The following BICD1 variants were observed in gnomAD, a reference collection of about 807,000 sequenced individuals.
BICD1 encodes BICD cargo adaptor 1.
In BICD1, 35 loss-of-function variants were observed where a neutral mutation model predicts 92.5. The observed-to-expected ratio is 0.38, with a 90% CI of 0.29 to 0.50. The LOEUF (loss-of-function observed/expected upper bound fraction) is 0.50, where lower values mean the gene tolerates loss of function less well. BICD1 is among the 20% of genes least tolerant of loss of function. The pLI, the probability that BICD1 is intolerant of heterozygous loss-of-function variation, is 0.93. For synonymous variants in BICD1, 429 were observed against 465.1 expected, an observed-to-expected ratio of 0.92 and a Z score of 1.00; for missense variants, 950 against 1,189.8, an observed-to-expected ratio of 0.80 and a Z score of 2.97.
intron 1 of BICD1, among the ~76,000 whole-genome samples, chr12:32,174,131 G>GA (rs1301538987): frequency 6.6e-6 from 1 of 152,012 alleles, no homozygotes; most frequent in Non-Finnish European, 1.5e-5. Context: ...ACTTTGTCTT[G>GA]AAAATAGCTT....
intron 2 of BICD1, among the ~76,000 whole-genome samples, chr12:32,279,021 A>G (rs1270198198): frequency 2.0e-5 from 3 of 152,208 alleles, no homozygotes; most frequent in Non-Finnish European, 4.4e-5. Context: ...ATAGTGTGGA[A>G]TAGATTTTGT....
chr12:32,203,380 A>G (rs1344979582), intron 1 of BICD1, among the ~76,000 whole-genome samples: 1 of 152,194 alleles, frequency 6.6e-6, no homozygotes, highest in Non-Finnish European at 1.5e-5. Context: ...GACATCGCTA[A>G]AAGAGTGGGA....
intron 1 of BICD1, among the ~76,000 whole-genome samples, chr12:32,174,671 AT>A (rs747882602): frequency 6.6e-6 from 1 of 152,184 alleles, no homozygotes; most frequent in Non-Finnish European, 1.5e-5. Context: ...CCACTGATGT[AT>A]TTACAGGCCA....
intron 5 of BICD1, among the ~76,000 whole-genome samples, chr12:32,330,412 C>CG (rs948674798): frequency 9.7e-5 from 11 of 113,316 alleles, no homozygotes; most frequent in Non-Finnish European, 1.5e-4. Flanking sequence ...CATCACACAC[C>CG]GGGGCCTGTT....
rs1946039163 is a variant in BICD1, at chr12:32,235,550, T to C, written c.426+19091T>C. ...GCTTTGCTTTCTTGCTCTTGGAAGA[T>C]ATTGTGGGTTTTTTTTTTTACAAAT... is the stretch of plus-strand genomic sequence containing the variant. On this transcript the variant is annotated intron_variant, in intron 2 of 9. Coordinates refer to ENST00000652176, the MANE Select transcript of BICD1 (RefSeq NM_001714.4). 1.2e-4 allele frequency among the ~76,000 whole-genome samples: 4 copies of C among 34,334 alleles called. No homozygotes were observed. The Admixed American group carries it at 1.8e-3, about 15-fold the overall frequency. The allele number at this position is 34,334 out of a possible 152,430, so 22.5% of individuals were successfully genotyped here. A position where few individuals can be genotyped will look rare whatever the true frequency, so the allele number is the denominator to read the frequency against.
rs1393802649 is a variant in BICD1, at chr12:32,379,396, T to C, written c.*1769T>C. ...TGCTATTTTCCACAGTGTCATTTAT[T>C]ATGCAACGTGGAGTAAAGAGTTGAA... On this transcript the variant is annotated 3_prime_UTR_variant, in exon 10 of 10. Transcript: ENST00000652176. The C allele has an allele frequency of 1.3e-5, 2 of 152,238 alleles. No homozygotes were observed. The highest frequency in any genetic ancestry group is 1.5e-5 in the Non-Finnish European group (1 of 68,044). 9.4% of individuals were successfully genotyped at this position (152,238 alleles called of 1,614,324 possible). A position where few individuals can be genotyped will look rare whatever the true frequency, so the allele number is the denominator to read the frequency against.
intron 2 of BICD1, among the ~76,000 whole-genome samples, chr12:32,223,299 TC>T (rs1945588722): frequency 6.6e-6 from 1 of 152,092 alleles, no homozygotes; most frequent in South Asian, 2.1e-4. Flanking sequence ...AAGTGGACCA[TC>T]TGAGGTCAAG....
At chr12:32,146,393 A>G (rs1055889967) in intron 1 of BICD1, among the ~76,000 whole-genome samples, 1 of 152,106 alleles carries the variant, frequency 6.6e-6, no homozygotes, top group Admixed American at 6.5e-5. Context: ...GAGCAGATGA[A>G]GTTAAAGAGT....
intron 1 of BICD1, among the ~76,000 whole-genome samples, chr12:32,186,172 ACTG>A (rs1944419160): frequency 6.6e-6 from 1 of 152,184 alleles, no homozygotes. Context: ...GCTCTTCGTT[ACTG>A]TGTTACCCTA....
chr12:32,210,089 T>A (rs1476795068), intron 1 of BICD1, among the ~76,000 whole-genome samples: 2 of 152,184 alleles, frequency 1.3e-5, no homozygotes, highest in Non-Finnish European at 2.9e-5. Flanking sequence ...GATTTGTTTA[T>A]GTTCCACTAG....
At chr12:32,327,298 C>T (rs1229933539) in intron 4 of BICD1, among the ~76,000 whole-genome samples, 163 bp from the exon 5 acceptor site, 2 of 152,132 alleles carry the variant, frequency 1.3e-5, no homozygotes, top group East Asian at 1.9e-4. Flanking sequence ...GATTGACTTA[C>T]CAGAACTGCT....
intron 1 of BICD1, among the ~76,000 whole-genome samples, chr12:32,113,149 T>C (rs1174898309): frequency 6.6e-6 from 1 of 152,060 alleles, no homozygotes; most frequent in Non-Finnish European, 1.5e-5. Context: ...GTGGGTGGAT[T>C]GAGGCTGTGT....
At chr12:32,346,556 A>ACG (rs71452276) in intron 8 of BICD1, among the ~76,000 whole-genome samples, 29 of 27,236 alleles carry the variant, frequency 1.1e-3, no homozygotes, top group African/African-American at 6.0e-3. Context: ...ATATATATAT[A>ACG]TATATATATA....
intron 2 of BICD1, among the ~76,000 whole-genome samples, chr12:32,255,882 C>A (rs557405798): frequency 6.6e-6 from 1 of 151,976 alleles, no homozygotes; most frequent in African/African-American, 2.4e-5. Context: ...TGCGGCCAGG[C>A]GTATTAAAAT....
At chr12:32,330,460 A>G (rs1447378969) in intron 5 of BICD1, among the ~76,000 whole-genome samples, 2 of 151,274 alleles carry the variant, frequency 1.3e-5, no homozygotes, top group African/African-American at 4.9e-5. Context: ...GCATTAGGAG[A>G]TTTACCTAAT....
At chr12:32,347,463 C>T (rs1179693234) in intron 8 of BICD1, among the ~76,000 whole-genome samples, 3 of 151,406 alleles carry the variant, frequency 2.0e-5, no homozygotes, top group African/African-American at 7.3e-5. Flanking sequence ...CATGGTGAAA[C>T]CCCGTCTCTA....
intron 1 of BICD1, among the ~76,000 whole-genome samples, chr12:32,167,498 C>T (rs868477996): frequency 1.3e-5 from 2 of 152,080 alleles, no homozygotes; most frequent in South Asian, 2.1e-4. Context: ...CACTGTCGCC[C>T]AGGCTGGAGT....
chr12:32,135,566 A>G (rs1264663393), intron 1 of BICD1, among the ~76,000 whole-genome samples: 1 of 151,746 alleles, frequency 6.6e-6, no homozygotes, highest in Non-Finnish European at 1.5e-5. Flanking sequence ...ACACCTGGCT[A>G]ATTTTTAAAT....
intron 1 of BICD1, among the ~76,000 whole-genome samples, chr12:32,158,155 G>GA (rs1330484934): frequency 6.7e-6 from 1 of 149,650 alleles, no homozygotes; most frequent in East Asian, 2.0e-4. Context: ...GCCCAGGCTG[G>GA]AGTGCAGTGG....
Sources: gnomAD v4.1 joint callset for allele counts (sites outside exome capture counted in the v4.1 genomes callset) on GRCh38, gnomAD v4.1.1 for gene constraint, MANE v1.5 for transcripts, NCBI Gene and HGNC (gene_info 2026-07-23, HGNC 2026-07-21) for gene names.